The following GATAD2A variants were observed in gnomAD, a reference collection of about 807,000 sequenced individuals.
The protein encoded by GATAD2A is GATA zinc finger domain containing 2A.
In GATAD2A, 12 loss-of-function variants were observed where a neutral mutation model predicts 68.5. The ratio of observed to expected loss-of-function variants is 0.18; its 90% confidence interval spans 0.11 to 0.28. The LOEUF (loss-of-function observed/expected upper bound fraction) is 0.28. Among genes scored for constraint, GATAD2A ranks in the 10% least tolerant of loss-of-function variants. The pLI is 1.00. For missense variants in GATAD2A, 755 were observed against 868.5 expected (o/e 0.87, Z 1.64); for synonymous variants, 410 against 375.3 (o/e 1.09, Z -1.07).
chr19:19,460,997 G>A (rs967513807), intron 1 of GATAD2A, among the ~76,000 whole-genome samples: 1 of 152,092 alleles, frequency 6.6e-6, no homozygotes, highest in Non-Finnish European at 1.5e-5. Context: ...CCACAGCACC[G>A]TCACCAACAC....
At chr19:19,450,238 A>G (rs1483376032) in intron 1 of GATAD2A, among the ~76,000 whole-genome samples, 2 of 152,164 alleles carry the variant, frequency 1.3e-5, no homozygotes, top group East Asian at 3.8e-4. Flanking sequence ...AGCATTTCAG[A>G]TGAAGTGCTG....
At chr19:19,449,427 C>T (rs1197596206) in intron 1 of GATAD2A, among the ~76,000 whole-genome samples, 1 of 152,108 alleles carries the variant, frequency 6.6e-6, no homozygotes, top group African/African-American at 2.4e-5. Context: ...TGGGCTCAAG[C>T]ACTCCTCCTG....
intron 1 of GATAD2A, among the ~76,000 whole-genome samples, chr19:19,416,882 C>T (rs759892742): frequency 1.3e-5 from 2 of 152,026 alleles, no homozygotes; most frequent in Non-Finnish European, 2.9e-5. Flanking sequence ...CTGCCTCAAC[C>T]TCCCAAGTAG....
chr19:19,495,034 TA>T (rs1165735763), intron 5 of GATAD2A, among the ~76,000 whole-genome samples: 1 of 152,226 alleles, frequency 6.6e-6, no homozygotes, highest in African/African-American at 2.4e-5. Context: ...CTTGCTCTGT[TA>T]CCCAGGCTGG....
intron 1 of GATAD2A, among the ~76,000 whole-genome samples, chr19:19,446,811 G>A (rs1248412652): frequency 6.6e-6 from 1 of 152,072 alleles, no homozygotes; most frequent in East Asian, 1.9e-4. Flanking sequence ...CTCCCTCCTC[G>A]GTCTTCCAAA....
intron 1 of GATAD2A, among the ~76,000 whole-genome samples, chr19:19,397,971 T>A (rs1331186861): frequency 1.3e-5 from 2 of 152,150 alleles, no homozygotes; most frequent in African/African-American, 4.8e-5. Context: ...TGGCGTGATC[T>A]CGGCTCACCA....
In GATAD2A at chr19:19,431,567, G is replaced by A. The variant is rs149367404; in HGVS notation, c.-7+25548G>A. On this transcript the variant is annotated intron_variant, in intron 1 of 11. Coordinates refer to ENST00000683918, the MANE Select transcript of GATAD2A (RefSeq NM_001384528.1). ...AAATTAGCTGGGCGTGGTGGTGCGTGCCTGTAGTCCCAGCTGCTCGGGAGG... is the reference window on the plus strand; with the variant it reads ...AAATTAGCTGGGCGTGGTGGTGCGTACCTGTAGTCCCAGCTGCTCGGGAGG... Among the ~76,000 whole-genome samples, 10 of 151,192 alleles carry A rather than the reference G, an allele frequency of 6.6e-5. No individual in the cohort carries two copies. The East Asian group carries it at 9.8e-4, about 15-fold the overall frequency.
chr19:19,456,106 A>G (rs2056899753), intron 1 of GATAD2A, among the ~76,000 whole-genome samples: 1 of 150,784 alleles, frequency 6.6e-6, no homozygotes, highest in South Asian at 2.1e-4. Flanking sequence ...GTGAGCCGAG[A>G]TCGCGCCACT....
chr19:19,504,975 A>G lies in GATAD2A; in HGVS notation c.1775-369A>G, dbSNP rs568220579. Among the ~76,000 whole-genome samples, 14 of 152,212 alleles carry G rather than the reference A, an allele frequency of 9.2e-5. No individual in the cohort carries two copies. The South Asian group carries it at 2.1e-3, about 23-fold the overall frequency. On this transcript the variant is annotated intron_variant, in intron 11 of 11. Coordinates refer to ENST00000683918, the MANE Select transcript of GATAD2A (RefSeq NM_001384528.1). ...GTTTTTCATTGCTGCATAGTATTCC[A>G]TCCTGCATTATTGTCCTGTTGCACA...
chr19:19,429,037 C>A (rs1453621133), intron 1 of GATAD2A, among the ~76,000 whole-genome samples: 1 of 145,878 alleles, frequency 6.9e-6, no homozygotes, highest in South Asian at 2.1e-4. Context: ...TTTTTTTTGC[C>A]TCCAGCCGGT....
intron 1 of GATAD2A, among the ~76,000 whole-genome samples, chr19:19,432,029 G>A (rs939026878): frequency 2.0e-5 from 3 of 152,134 alleles, no homozygotes; most frequent in African/African-American, 4.8e-5. Flanking sequence ...AGGCTGGAGC[G>A]CAATGGTGCG....
chr19:19,467,034 C>T (rs1246789697), intron 2 of GATAD2A, among the ~76,000 whole-genome samples: 1 of 152,182 alleles, frequency 6.6e-6, no homozygotes, highest in Non-Finnish European at 1.5e-5. Flanking sequence ...CCATGTTCCC[C>T]TGCAGGGTAG....
At chr19:19,411,161 C>CA (rs1165598608) in intron 1 of GATAD2A, among the ~76,000 whole-genome samples, 4 of 152,258 alleles carry the variant, frequency 2.6e-5, no homozygotes, top group Admixed American at 2.0e-4. Flanking sequence ...GTGAAGAAGG[C>CA]AAAGTTCCCC....
intron 2 of GATAD2A, 54 bp from the exon 3 acceptor site, chr19:19,492,252 G>A (rs554081437): frequency 4.6e-5 from 72 of 1,550,008 alleles, no homozygotes; most frequent in Non-Finnish European, 6.2e-5. Context: ...ACAGGGGTGG[G>A]CACTGGGTCC....
At chr19:19,465,145 C>G (rs556184540) in intron 1 of GATAD2A, among the ~76,000 whole-genome samples, 195 bp from the exon 2 acceptor site, 14 of 152,322 alleles carry the variant, frequency 9.2e-5, no homozygotes, top group South Asian at 6.2e-4. Flanking sequence ...GGGACACCCC[C>G]CTCCTGCCTA....
At chr19:19,495,932 C>T (rs778820542) in intron 6 of GATAD2A, 47 bp downstream of exon 6, 27 of 1,597,648 alleles carry the variant, frequency 1.7e-5, no homozygotes, top group East Asian at 2.2e-5. Flanking sequence ...CCTCAGCAGT[C>T]GTCTACCTTG....
At chr19:19,475,822 A>T (rs2058642488) in intron 2 of GATAD2A, among the ~76,000 whole-genome samples, 1 of 151,384 alleles carries the variant, frequency 6.6e-6, no homozygotes, top group Admixed American at 6.6e-5. Context: ...TTTATCTGGG[A>T]CTCTAATCCC....
Position 19,492,333 on chromosome 19 carries a change from C to T in GATAD2A, c.297C>T (p.Pro99=), listed in dbSNP as rs1487262537. 1 of 1,607,948 alleles carries T rather than the reference C, an allele frequency of 6.2e-7. No homozygotes were observed. Among genetic ancestry groups the T allele is most frequent in the Non-Finnish European group, 8.5e-7 (1 of 1,177,138 alleles). The change falls in exon 3 of 12, where the codon CCC becomes CCT. Residue 99 remains proline, a synonymous_variant. Coordinates refer to ENST00000683918, the MANE Select transcript of GATAD2A (RefSeq NM_001384528.1). ...HSDMKSERRP[P]SPDVIVLSDN... ...ACATGAAGTCCGAGAGGAGACCCCC[C>T]TCACCTGACGTGATTGTGCTCTCCG...
At chr19:19,416,230 C>T (rs944720395) in intron 1 of GATAD2A, among the ~76,000 whole-genome samples, 24 of 152,190 alleles carry the variant, frequency 1.6e-4, no homozygotes, top group Admixed American at 4.6e-4. Context: ...ATATCAGGTC[C>T]TGCACTGGGC....
Sources: allele counts gnomAD v4.1 joint callset (sites outside exome capture counted in the v4.1 genomes callset), GRCh38; gene constraint gnomAD v4.1.1; transcripts MANE v1.5; gene names NCBI Gene and HGNC (gene_info 2026-07-23, HGNC 2026-07-21).